The following PRDM2 variants were observed in gnomAD, a reference collection of about 807,000 sequenced individuals.
The protein encoded by PRDM2 is PR/SET domain 2.
PRDM2 carries 30 observed loss-of-function variants against 130.0 expected under a neutral mutation model. The ratio of observed to expected loss-of-function variants is 0.23; its 90% CI spans 0.17 to 0.31. PRDM2 has a LOEUF of 0.31. Ranked by LOEUF, PRDM2 falls within the 10% of genes least tolerant of loss-of-function variation. PRDM2 has a pLI of 1.00. For missense variants in PRDM2, 2,011 were observed against 2,108.4 expected, an observed-to-expected ratio of 0.95 and a Z score of 0.90; for synonymous variants, 871 against 782.4, an observed-to-expected ratio of 1.11 and a Z score of -1.89.
chr1:13,809,344 C>A (rs192735117), intron 8 of PRDM2, among the ~76,000 whole-genome samples: 103 of 152,172 alleles, frequency 6.8e-4, no homozygotes, highest in African/African-American at 2.5e-3. Flanking sequence ...GGACTCCAGG[C>A]GAGAGGTGGT....
At chr1:13,723,501 T>C (rs1642801114) in intron 2 of PRDM2, among the ~76,000 whole-genome samples, 1 of 152,190 alleles carries the variant, frequency 6.6e-6, no homozygotes, top group South Asian at 2.1e-4. Flanking sequence ...GAATTGGACG[T>C]GACAGATTTT....
intron 6 of PRDM2, among the ~76,000 whole-genome samples, chr1:13,770,510 G>A (rs1644336015): frequency 6.6e-6 from 1 of 151,976 alleles, no homozygotes; most frequent in African/African-American, 2.4e-5. Flanking sequence ...GGAGGTTGTA[G>A]AAAAATCTTT....
At chr1:13,811,068 C>T (rs1645165334) in intron 8 of PRDM2, among the ~76,000 whole-genome samples, 1 of 151,956 alleles carries the variant, frequency 6.6e-6, no homozygotes, top group African/African-American at 2.4e-5. Context: ...CCTGTAGTCC[C>T]AGGTACTCAG....
chr1:13,718,941 C>G (rs1313728297), intron 2 of PRDM2, among the ~76,000 whole-genome samples: 1 of 152,134 alleles, frequency 6.6e-6, no homozygotes, highest in East Asian at 1.9e-4. Flanking sequence ...AAAATTCATT[C>G]ATTCCTTCCC....
Position 13,808,463 on chromosome 1 carries a change from CA to C in PRDM2, c.5037-7944del, listed in dbSNP as rs58838331. ...TGGGCGACAGAGTGAGACTCTGTCTCAAAAAAAAAAAAAAAAAAAACAGTTG... is the reference window on the plus strand; with the variant it reads ...TGGGCGACAGAGTGAGACTCTGTCTCAAAAAAAAAAAAAAAAAAACAGTTG... On this transcript the variant is annotated intron_variant, in intron 8 of 9. Coordinates refer to ENST00000311066, the MANE Select transcript of PRDM2 (RefSeq NM_001393986.1). Among the ~76,000 whole-genome samples the C allele has an allele frequency of 1.0e-2, 587 of 58,966 alleles. 2 individuals carry two copies. The highest frequency in any genetic ancestry group is 0.038 in the East Asian group (77 of 2,002). 38.7% of individuals were successfully genotyped at this position (58,966 alleles called of 152,430 possible). A position where few individuals can be genotyped will look rare whatever the true frequency, so the allele number is the denominator to read the frequency against.
At chr1:13,722,052 A>G (rs1322047607) in intron 2 of PRDM2, among the ~76,000 whole-genome samples, 2 of 152,214 alleles carry the variant, frequency 1.3e-5, no homozygotes, top group Non-Finnish European at 2.9e-5. Context: ...GCCGGTAACC[A>G]TGTCCTGATT....
chr1:13,746,640 T>C (rs1378274041), intron 5 of PRDM2, among the ~76,000 whole-genome samples: 1 of 152,084 alleles, frequency 6.6e-6, no homozygotes, highest in Non-Finnish European at 1.5e-5. Flanking sequence ...CACTGCAGCC[T>C]CCACCTCCCA....
chr1:13,747,632 G>T (rs1248634345), intron 5 of PRDM2, among the ~76,000 whole-genome samples: 1 of 151,962 alleles, frequency 6.6e-6, no homozygotes, highest in Non-Finnish European at 1.5e-5. Flanking sequence ...TTTAAATTTG[G>T]ACTGTGTAGA....
At chr1:13,700,860 G>T (rs534033773) in intron 1 of PRDM2, among the ~76,000 whole-genome samples, 1 of 152,332 alleles carries the variant, frequency 6.6e-6, no homozygotes, top group Admixed American at 6.5e-5. Flanking sequence ...ACCCACGGGT[G>T]TATGTGTGTG....
intron 5 of PRDM2, among the ~76,000 whole-genome samples, chr1:13,747,054 G>A (rs982824803): frequency 6.6e-6 from 1 of 152,240 alleles, no homozygotes; most frequent in African/African-American, 2.4e-5. Flanking sequence ...ACTTCACCAA[G>A]TTGCTAGTTC....
Position 13,703,377 on chromosome 1 carries a change from A to G in PRDM2, c.-66+3077A>G, listed in dbSNP as rs559169011. On this transcript the variant is annotated intron_variant, in intron 1 of 9. Transcript: ENST00000311066. ...TCCAGACATTTCCAAATAGCACTTG[A>G]ACCGCTGCAGTGAAGGAAGGCTCAT... Among the ~76,000 whole-genome samples, 12 of 152,336 alleles carry G rather than the reference A, an allele frequency of 7.9e-5. No homozygotes were observed. The South Asian group carries it at 2.3e-3, about 29-fold the overall frequency.
Position 13,781,446 on chromosome 1 carries a change from G to A in PRDM2, c.3651G>A (p.Lys1217=), listed in dbSNP as rs1376244696. Residue 1217 remains lysine, a synonymous_variant, in exon 8 of 10, where the codon AAG becomes AAA. Transcript: ENST00000311066. This position sits in a 1 kb window ranked among gnomAD's most constrained non-coding sequence, Gnocchi z 6.1. The part of the protein sequence containing the change: ...QQHQRDLHPD[K]VCTHHEFESG... ...ACCAGCGAGATCTCCACCCAGATAA[G>A]GTGTGCACACATCACGAGTTTGAAA... 2 of 1,613,872 alleles carry A rather than the reference G, an allele frequency of 1.2e-6. No homozygotes were observed. The highest frequency in any genetic ancestry group is 1.7e-6 in the Non-Finnish European group (2 of 1,180,024).
intron 6 of PRDM2, among the ~76,000 whole-genome samples, chr1:13,754,793 G>T (rs1296367351): frequency 6.6e-6 from 1 of 152,204 alleles, no homozygotes; most frequent in Non-Finnish European, 1.5e-5. Flanking sequence ...GACTTATAGG[G>T]CACTGGCCTG....
chr1:13,719,826 ATTC>A (rs2100430289), intron 2 of PRDM2, among the ~76,000 whole-genome samples: 1 of 151,970 alleles, frequency 6.6e-6, no homozygotes, highest in South Asian at 2.1e-4. Context: ...AGTAGCTTAG[ATTC>A]TTGTTTGCAA....
intron 2 of PRDM2, among the ~76,000 whole-genome samples, chr1:13,716,461 TAAAA>T (rs1025204680): frequency 3.3e-5 from 5 of 151,068 alleles, no homozygotes; most frequent in South Asian, 2.1e-4. Flanking sequence ...AATAAAAAAA[TAAAA>T]AAAAGAGAGG....
chr1:13,769,119 C>T, intron 6 of PRDM2: 4 of 984,966 alleles, frequency 4.1e-6, no homozygotes, highest in Non-Finnish European at 4.8e-6. Context: ...CTTGTCTAGA[C>T]CAAGCGGAGC....
At chr1:13,711,552 C>T (rs1481051792) in intron 1 of PRDM2, among the ~76,000 whole-genome samples, 1 of 152,222 alleles carries the variant, frequency 6.6e-6, no homozygotes, top group Non-Finnish European at 1.5e-5. Flanking sequence ...GACAGTCTTG[C>T]TCAAGGAGTT....
intron 8 of PRDM2, chr1:13,786,710 G>A: frequency 2.1e-6 from 3 of 1,450,534 alleles, no homozygotes; most frequent in Non-Finnish European, 2.7e-6. Flanking sequence ...TGCTGCTTCG[G>A]TGGGGGCCCA....
At chr1:13,719,785 A>AT (rs35992629) in intron 2 of PRDM2, among the ~76,000 whole-genome samples, 34 of 151,118 alleles carry the variant, frequency 2.2e-4, no homozygotes, top group Middle Eastern at 3.4e-3. Context: ...AGCTTGTTTG[A>AT]TTTTTTTTTT....
Sources: allele counts gnomAD v4.1 joint callset (sites outside exome capture counted in the v4.1 genomes callset), GRCh38; gene constraint gnomAD v4.1.1; non-coding constraint Gnocchi (gnomAD v3.1); transcripts MANE v1.5; gene names NCBI Gene and HGNC (gene_info 2026-07-23, HGNC 2026-07-21).